The following USP24 variants were observed in gnomAD, a reference collection of about 807,000 sequenced individuals.
USP24 encodes the protein ubiquitin specific peptidase 24.
In USP24, 97 loss-of-function variants were observed where a neutral mutation model predicts 361.6. The ratio of observed to expected loss-of-function variants is 0.27; its 90% CI spans 0.23 to 0.32. USP24 has a LOEUF of 0.32. Ranked by LOEUF, USP24 falls within the 10% of genes least tolerant of loss-of-function variation. The pLI is 1.00. For synonymous variants in USP24, 1,098 were observed against 1,124.6 expected (o/e 0.98, Z 0.47); for missense variants, 2,353 against 3,165.6 (o/e 0.74, Z 6.16).
rs113904774 is a variant in USP24 at position 55,157,140 on chromosome 1, T to C, written c.1343-89A>G. 2,102 of 1,382,516 alleles carry C rather than the reference T, an allele frequency of 1.5e-3. 19 individuals carry two copies. The African/African-American group carries it at 0.025, about 16-fold the overall frequency. The allele number at this position is 1,382,516 out of a possible 1,614,324, so 85.6% of individuals were successfully genotyped here. On this transcript the variant is annotated intron_variant, in intron 11 of 67. Transcript: ENST00000294383. ...CTATTGATTCAAAACAATAACTTAC[T>C]ATAAGATCATTTAAAGACTAATACA... is the stretch of plus-strand genomic sequence containing the variant.
chr1:55,147,273 T>C (rs1647053790), intron 18 of USP24, among the ~76,000 whole-genome samples: 1 of 152,178 alleles, frequency 6.6e-6, no homozygotes, highest in African/African-American at 2.4e-5. Context: ...ATTCAGTTGA[T>C]TTTGGATGTC....
In USP24 at chr1:55,079,598, G is replaced by A. The variant is rs1645101149; in HGVS notation, c.7140C>T (p.Pro2380=). The part of the protein sequence containing the change: ...ISIAPSSPLL[P]LHEEVEALLF... Reference sequence around the variant, plus strand: ...ACAAGGCTTCTACCTCCTCATGGAGGGGCAACAGAGGGCTTGAGGGAGCAA... The same window carrying A: ...ACAAGGCTTCTACCTCCTCATGGAGAGGCAACAGAGGGCTTGAGGGAGCAA... Residue 2380 remains proline (P), a synonymous_variant, in exon 60 of 68, where the codon CCC becomes CCT. Transcript: ENST00000294383. The A allele has an allele frequency of 1.3e-6, 2 of 1,558,914 alleles. No individual in the cohort carries two copies. Among genetic ancestry groups the A allele is most frequent in the South Asian group, 1.3e-5 (1 of 79,604 alleles).
At chr1:55,180,079 C>T (rs1643918007) in intron 1 of USP24, among the ~76,000 whole-genome samples, 1 of 152,168 alleles carries the variant, frequency 6.6e-6, no homozygotes, top group Non-Finnish European at 1.5e-5. Flanking sequence ...TGGGATTTAG[C>T]TTCTTGTCAG....
chr1:55,087,826 C>A (rs1326456808), intron 55 of USP24, among the ~76,000 whole-genome samples: 2 of 152,188 alleles, frequency 1.3e-5, no homozygotes, highest in Non-Finnish European at 2.9e-5. Flanking sequence ...TGGGAACAGC[C>A]TCTCAGAGCA....
At chr1:55,180,932 T>A (rs1244446759) in intron 1 of USP24, among the ~76,000 whole-genome samples, 1 of 152,168 alleles carries the variant, frequency 6.6e-6, no homozygotes, top group Non-Finnish European at 1.5e-5. Context: ...GGAAAAATAA[T>A]CCATATAAAG....
chr1:55,147,786 C>A lies in USP24; in HGVS notation c.1981G>T (p.Asp661Tyr). The change falls in exon 18 of 68, where the codon GAC becomes TAC. Residue 661 changes from aspartate to tyrosine, a missense_variant. By Grantham distance (160) the Asp-to-Tyr change is radical (BLOSUM62 -3). This residue lies in a region of USP24 where 1 missense variants were observed against 16.4 expected (regional missense o/e 0.06). Coordinates refer to ENST00000294383, the MANE Select transcript of USP24 (RefSeq NM_015306.3). ...YQKQDKSIIQ[D>Y]LKKNFEIVKL... ...ACTATTTCAAAATTCTTCTTCAAGT[C>A]TTGAATAATGCTCTTGGCGAAAATA... 4 of 1,612,000 alleles carry A rather than the reference C, an allele frequency of 2.5e-6. No homozygotes were observed. The highest frequency in any genetic ancestry group is 3.4e-6 in the Non-Finnish European group (4 of 1,178,904).
intron 57 of USP24, 52 bp downstream of exon 57, chr1:55,083,720 A>G: frequency 7.2e-7 from 1 of 1,379,970 alleles, no homozygotes; most frequent in East Asian, 2.5e-5. Context: ...AAAATTTTTT[A>G]GAGTATAAAT....
At chr1:55,104,327 T>C (rs1242003784) in intron 41 of USP24, among the ~76,000 whole-genome samples, 1 of 152,146 alleles carries the variant, frequency 6.6e-6, no homozygotes, top group Non-Finnish European at 1.5e-5. Context: ...AAAGATGACA[T>C]GGGAATAACT....
chr1:55,141,204 C>A (rs2100687535), intron 24 of USP24, among the ~76,000 whole-genome samples: 1 of 152,166 alleles, frequency 6.6e-6, no homozygotes, highest in South Asian at 2.1e-4. Flanking sequence ...CTGAGTTTGA[C>A]TATTCAAGGA....
chr1:55,103,411 C>CT (rs2100517603), intron 42 of USP24, among the ~76,000 whole-genome samples: 1 of 152,306 alleles, frequency 6.6e-6, no homozygotes, highest in African/African-American at 2.4e-5. Context: ...TCACTATACA[C>CT]TGACCTTCTT....
At chr1:55,090,049 G>C (rs902704974) in intron 54 of USP24, among the ~76,000 whole-genome samples, 1 of 151,942 alleles carries the variant, frequency 6.6e-6, no homozygotes, top group African/African-American at 2.4e-5. Context: ...CAAACAACTC[G>C]AATTAGACAA....
At chr1:55,098,386 T>C in intron 46 of USP24, 90 bp downstream of exon 46, 1 of 1,174,452 alleles carries the variant, frequency 8.5e-7, no homozygotes, top group East Asian at 2.5e-5. Context: ...GAGTTCTAAG[T>C]CTCTTAACAA....
chr1:55,183,946 C>T (rs886763281), intron 1 of USP24, among the ~76,000 whole-genome samples: 2 of 151,870 alleles, frequency 1.3e-5, no homozygotes, highest in African/African-American at 2.4e-5. Context: ...AAATATATAC[C>T]CTAAAAGCAA....
intron 7 of USP24, among the ~76,000 whole-genome samples, chr1:55,164,467 T>A (rs990841694): frequency 4.6e-5 from 7 of 152,042 alleles, no homozygotes; most frequent in African/African-American, 1.7e-4. Flanking sequence ...TATTATGGCC[T>A]AAATTTATCC....
chr1:55,130,954 A>G (rs1373181572), intron 31 of USP24, among the ~76,000 whole-genome samples: 1 of 152,226 alleles, frequency 6.6e-6, no homozygotes, highest in African/African-American at 2.4e-5. Context: ...ACCTACTCAG[A>G]AGTCTTAAAA....
intron 16 of USP24, among the ~76,000 whole-genome samples, chr1:55,152,329 A>G (rs1229619709): frequency 6.6e-6 from 1 of 152,212 alleles, no homozygotes; most frequent in Non-Finnish European, 1.5e-5. Context: ...GACTGCAAAG[A>G]GAAGCAATAA....
rs560827815 is a variant in USP24 at position 55,130,889 on chromosome 1, G to A, written c.3538-1315C>T. On this transcript the variant is annotated intron_variant, in intron 31 of 67. Coordinates refer to ENST00000294383, the MANE Select transcript of USP24 (RefSeq NM_015306.3). ...AAATAAAAGCTTTTGGGAGTGTTAG[G>A]TTTCCAACTATTTTGTGTACCTAAA... is the stretch of plus-strand genomic sequence containing the variant. 2.0e-5 allele frequency among the ~76,000 whole-genome samples: 3 copies of A among 152,196 alleles called. No homozygotes were observed. The East Asian group carries it at 5.8e-4, about 29-fold the overall frequency.
chr1:55,083,459 T>C, intron 57 of USP24, 95 bp from the exon 58 acceptor site: 1 of 1,163,294 alleles, frequency 8.6e-7, no homozygotes, highest in South Asian at 1.5e-5. Context: ...AAGGAGTCAA[T>C]ATATTTTTTA....
intron 1 of USP24, among the ~76,000 whole-genome samples, chr1:55,184,183 A>G (rs1046972185): frequency 6.6e-6 from 1 of 151,988 alleles, no homozygotes; most frequent in African/African-American, 2.4e-5. Context: ...CAGCCTCCCA[A>G]GTGGCTGAGA....
Sources: allele counts gnomAD v4.1 joint callset (sites outside exome capture counted in the v4.1 genomes callset), GRCh38; gene constraint gnomAD v4.1.1; regional missense constraint gnomAD v4.1.1; transcripts MANE v1.5; gene names NCBI Gene and HGNC (gene_info 2026-07-23, HGNC 2026-07-21).